TSPEAR: variants seen among roughly 807,000 people sequenced by gnomAD.
TSPEAR encodes the protein thrombospondin-type laminin G domain and EAR repeat-containing protein.
TSPEAR carries 69 observed loss-of-function variants against 71.6 expected under a neutral mutation model. The ratio of observed to expected loss-of-function variants is 0.96; its 90% CI spans 0.79 to 1.18. The LOEUF (loss-of-function observed/expected upper bound fraction) is 1.18, where lower values mean the gene tolerates loss of function less well. TSPEAR is among the 50% of genes most tolerant of loss of function. The pLI, the probability that TSPEAR is intolerant of heterozygous loss-of-function variation, is 0.00. For missense variants in TSPEAR, 971 were observed against 894.9 expected, an observed-to-expected ratio of 1.09 and a Z score of -1.09; for synonymous variants, 402 against 387.2, an observed-to-expected ratio of 1.04 and a Z score of -0.45.
At chr21:44,705,994 T>C (rs1433591998) in intron 1 of TSPEAR, among the ~76,000 whole-genome samples, 5 of 152,130 alleles carry the variant, frequency 3.3e-5, no homozygotes, top group Admixed American at 3.3e-4. Flanking sequence ...CTTTAAAATT[T>C]CTCTCTTTTG....
chr21:44,637,758 G>C, intron 1 of TSPEAR: 1 of 1,339,636 alleles, frequency 7.5e-7, no homozygotes, highest in Non-Finnish European at 1.0e-6. Context: ...AAGCCTGTGT[G>C]CTTCGTGCCT....
intron 1 of TSPEAR, among the ~76,000 whole-genome samples, chr21:44,594,073 G>A (rs1304131458): frequency 2.0e-5 from 3 of 152,148 alleles, no homozygotes; most frequent in African/African-American, 7.2e-5. Flanking sequence ...GACATGATAA[G>A]ACTCCACCCT....
chr21:44,624,932 G>C (rs1555934054), intron 1 of TSPEAR, among the ~76,000 whole-genome samples: 2 of 152,174 alleles, frequency 1.3e-5, no homozygotes, highest in South Asian at 2.1e-4. Context: ...CTCAAATAGA[G>C]ATTTTGTTTG....
rs1291764309 is a variant in TSPEAR, at chr21:44,580,600, G to T, written c.83-12595C>A. 1.9e-6 allele frequency: 3 copies of T among 1,592,864 alleles called. 1 individual carries two copies. The highest frequency in any genetic ancestry group is 2.3e-5 in the South Asian group (2 of 85,750). ...CCATGCTGGGGTGGGGAAGACGTGA[G>T]CTGGGAGCTGGGGGAGGTGTGAGTG... is the stretch of plus-strand genomic sequence containing the variant. On this transcript the variant is annotated intron_variant, in intron 1 of 11. Transcript: ENST00000323084.
chr21:44,618,268 C>T (rs1002756830), intron 1 of TSPEAR, among the ~76,000 whole-genome samples: 2 of 152,210 alleles, frequency 1.3e-5, no homozygotes, highest in Non-Finnish European at 1.5e-5. Flanking sequence ...GCTTCTCTCT[C>T]CTGCCACCAT....
In TSPEAR at chr21:44,710,351, A is replaced by G. The variant is rs1988153793; in HGVS notation, c.82+1082T>C. Among the ~76,000 whole-genome samples the G allele has an allele frequency of 6.6e-6, 1 of 151,978 alleles. No individual in the cohort carries two copies. Among genetic ancestry groups the G allele is most frequent in the African/African-American group, 2.4e-5 (1 of 41,370 alleles). On this transcript the variant is annotated intron_variant, in intron 1 of 11. Transcript: ENST00000323084. This position sits in a 1 kb window ranked among gnomAD's most constrained non-coding sequence, Gnocchi z 4.6. ...GGAAGGTCTACCTACCTCCCACTGC[A>G]CAGCCCGAGGGCTGTCCTGGAGGCA...
chr21:44,598,068 C>T (rs1980485544), intron 1 of TSPEAR, among the ~76,000 whole-genome samples: 1 of 152,068 alleles, frequency 6.6e-6, no homozygotes. Context: ...CTAGTACCCC[C>T]GCCCCCTCTC....
intron 1 of TSPEAR, among the ~76,000 whole-genome samples, chr21:44,644,358 C>CACCTATCAT (rs1601522119): frequency 6.6e-6 from 1 of 152,182 alleles, no homozygotes; most frequent in East Asian, 1.9e-4. Flanking sequence ...TTCCTATCAT[C>CACCTATCAT]TCCTGAAAGC....
chr21:44,537,287 C>A (rs2053104990), intron 2 of TSPEAR, among the ~76,000 whole-genome samples: 1 of 151,790 alleles, frequency 6.6e-6, no homozygotes, highest in Admixed American at 6.6e-5. Context: ...CAATCCCAAT[C>A]AAAATTATAG....
chr21:44,533,835 A>G lies in TSPEAR; in HGVS notation c.392T>C (p.Leu131Pro). 1 of 1,612,542 alleles carries G rather than the reference A, an allele frequency of 6.2e-7. No homozygotes were observed. The highest frequency in any genetic ancestry group is 1.6e-4 in the Middle Eastern group (1 of 6,062). The change falls in exon 3 of 12, where the codon CTG (leucine) becomes CCG (proline). Residue 131 changes from leucine to proline, a missense_variant. Transcript: ENST00000323084. The part of the protein sequence containing the change: ...LRLSPAQLHF[L>P]FLREDTAGAW... ...GCCGGCCGTGTCCTCGCGAAGGAAC[A>G]GGAAGTGCAGCTGGGCAGGTGACAA...
rs1264181313 is a variant in TSPEAR at position 44,512,055 on chromosome 21, G to A, written c.1567-2669C>T. Among the ~76,000 whole-genome samples the A allele has an allele frequency of 2.0e-5, 3 of 152,206 alleles. No homozygotes were observed. In the East Asian group the frequency reaches 5.8e-4, roughly 29 times the overall value. On this transcript the variant is annotated intron_variant, in intron 9 of 11. Transcript: ENST00000323084. ...GGCATGGAGGACGGACAGGGGAGTT[G>A]GCAGCAGGAAGCAGGGAAGGGTATC...
intron 11 of TSPEAR, among the ~76,000 whole-genome samples, chr21:44,500,366 C>T (rs1353006932): frequency 6.6e-6 from 1 of 152,210 alleles, no homozygotes; most frequent in African/African-American, 2.4e-5. Flanking sequence ...GCTCTGCGGC[C>T]CCACGTCAGG....
chr21:44,631,217 A>G (rs886865688), intron 1 of TSPEAR, among the ~76,000 whole-genome samples: 14 of 152,208 alleles, frequency 9.2e-5, no homozygotes, highest in African/African-American at 2.9e-4. Context: ...AAGAGAAACT[A>G]AGAAAACAAC....
intron 9 of TSPEAR, chr21:44,518,678 C>G (rs782061525): frequency 1.7e-5 from 8 of 470,814 alleles, no homozygotes; most frequent in Non-Finnish European, 2.6e-5. Flanking sequence ...CCCTGCCCCC[C>G]ACCAGCTCAT....
At chr21:44,559,612 G>A (rs2053604810) in intron 2 of TSPEAR, among the ~76,000 whole-genome samples, 1 of 152,160 alleles carries the variant, frequency 6.6e-6, no homozygotes, top group Non-Finnish European at 1.5e-5. Flanking sequence ...TAGTTCTACT[G>A]TTGGCTCCTG....
chr21:44,557,943 G>T (rs1381468836), intron 2 of TSPEAR: 3 of 1,279,350 alleles, frequency 2.3e-6, no homozygotes, highest in Admixed American at 2.5e-5. Flanking sequence ...CTGGCTGGAG[G>T]TGCAGTGGCT....
chr21:44,698,087 T>G, intron 1 of TSPEAR: 1 of 1,007,768 alleles, frequency 9.9e-7, no homozygotes, highest in African/African-American at 1.6e-5. Flanking sequence ...CAGCCTCTCT[T>G]CCCCTAAGCC....
In TSPEAR at chr21:44,706,325, A is replaced by ACCCACGTGCACACC. The variant is rs1206647246; in HGVS notation, c.82+5094_82+5107dup. Reference sequence around the variant, plus strand: ...CGCATGCACACACCCACACGCACACACCCACGTGCACACCCCCATGCACAC... The same window carrying ACCCACGTGCACACC: ...CGCATGCACACACCCACACGCACACACCCACGTGCACACCCCCACGTGCACACCCCCATGCACAC... On this transcript the variant is annotated intron_variant, in intron 1 of 11. Transcript: ENST00000323084. 9.2e-5 allele frequency among the ~76,000 whole-genome samples: 14 copies of ACCCACGTGCACACC among 151,978 alleles called. No individual in the cohort carries two copies. The East Asian group carries it at 2.7e-3, about 30-fold the overall frequency.
intron 1 of TSPEAR, among the ~76,000 whole-genome samples, chr21:44,696,853 C>G (rs1004144569): frequency 1.1e-4 from 17 of 151,888 alleles, no homozygotes; most frequent in African/African-American, 4.1e-4. Flanking sequence ...GCTTCAGGAG[C>G]TAAGCTACGC....
Sources: allele counts gnomAD v4.1 joint callset (sites outside exome capture counted in the v4.1 genomes callset), GRCh38; gene constraint gnomAD v4.1.1; non-coding constraint Gnocchi (gnomAD v3.1); transcripts MANE v1.5; gene names NCBI Gene and HGNC (gene_info 2026-07-23, HGNC 2026-07-21).